The following SHISA8 variants were observed in gnomAD, a reference collection of about 807,000 sequenced individuals.
SHISA8 encodes the protein shisa family member 8.
Under a neutral mutation model 21.1 loss-of-function variants are expected in SHISA8, and 21 were observed. The ratio of observed to expected loss-of-function variants is 0.99; its 90% CI spans 0.71 to 1.43. SHISA8 has a LOEUF of 1.43. Among genes scored for constraint, SHISA8 ranks in the 40% most tolerant of loss-of-function variants. The pLI, the probability that SHISA8 is intolerant of heterozygous loss-of-function variation, is 0.00. For missense variants in SHISA8, 535 were observed against 599.1 expected (o/e 0.89, Z 1.12); for synonymous variants, 300 against 291.4 (o/e 1.03, Z -0.30).
In SHISA8 at chr22:41,914,058, TCGAGAGCGG is replaced by T; in HGVS notation, c.530+71_530+79del. On this transcript the variant is annotated intron_variant, in intron 1 of 3. Transcript: ENST00000621082. This position sits in a 1 kb window ranked among gnomAD's most constrained non-coding sequence, Gnocchi z 6.8. ...GGGGCCTGCTGGGAGAACCAGCGCT[TCGAGAGCGG>T]CGGGAAGGATCAGCGGGCAGGGAGA... is the stretch of plus-strand genomic sequence containing the variant. 3 of 1,281,972 alleles carry T rather than the reference TCGAGAGCGG, an allele frequency of 2.3e-6. No individual in the cohort carries two copies. The highest frequency in any genetic ancestry group is 3.0e-6 in the Non-Finnish European group (3 of 1,011,354). The allele number at this position is 1,281,972 out of a possible 1,614,324, so 79.4% of individuals were successfully genotyped here.
chr22:41,911,891 T>C (rs79681549), intron 1 of SHISA8, among the ~76,000 whole-genome samples: 21,532 of 152,126 alleles, frequency 0.14, 2,090 homozygotes, highest in Admixed American at 0.31. Flanking sequence ...GATTATAAGG[T>C]GCCTGCCACC....
chr22:41,909,699 G>A lies in SHISA8; in HGVS notation c.*66C>T, dbSNP rs1245135854. 8.9e-6 allele frequency: 12 copies of A among 1,343,648 alleles called. No individual in the cohort carries two copies. Among genetic ancestry groups the A allele is most frequent in the Non-Finnish European group, 1.0e-5 (11 of 1,049,612 alleles). The allele number at this position is 1,343,648 out of a possible 1,614,324, so 83.2% of individuals were successfully genotyped here. ...CCTTACGGCAGGCGCTCCTCTCCCT[G>A]TGGCCTGAGGCTCCGACGGGCAGAC... On this transcript the variant is annotated 3_prime_UTR_variant, in exon 4 of 4. Transcript: ENST00000621082.
chr22:41,910,183 C>G lies in SHISA8; in HGVS notation c.812-36G>C, dbSNP rs1360222424. ...AGGGCAGGGAAGAGTGACGCCGCGC[C>G]GAGCACCCAAGCTCAGGACTGGACA... is the stretch of plus-strand genomic sequence containing the variant. On this transcript the variant is annotated intron_variant, in intron 3 of 3. Coordinates refer to ENST00000621082, the MANE Select transcript of SHISA8 (RefSeq NM_001207020.3). This position sits in a 1 kb window ranked among gnomAD's most constrained non-coding sequence, Gnocchi z 6.8. 9 of 1,228,754 alleles carry G rather than the reference C, an allele frequency of 7.3e-6. No homozygotes were observed. The highest frequency in any genetic ancestry group is 4.3e-5 in the Admixed American group (1 of 23,344). 76.1% of individuals were successfully genotyped at this position (1,228,754 alleles called of 1,614,324 possible).
Position 41,909,894 on chromosome 22 carries a change from GT to G in SHISA8, c.1064del (p.His355ProfsTer9), listed in dbSNP as rs2077535705. Reference sequence around the variant, plus strand: ...TCACACTGAACTGGCGCCGGGCCGCGTGCCCGGGTCGCCGGGGTACCTGGAA... The same window carrying G: ...TCACACTGAACTGGCGCCGGGCCGCGGCCCGGGTCGCCGGGGTACCTGGAA... ...RAFQVPRRPGHAARRQFSVKM... is the reference protein window; with the variant it reads ...RAFQVPRRPGXAARRQFSVKM... On this transcript the variant is annotated frameshift_variant, in exon 4 of 4. Coordinates refer to ENST00000621082, the MANE Select transcript of SHISA8 (RefSeq NM_001207020.3). LOFTEE classifies it high-confidence loss of function. 2.0e-6 allele frequency: 3 copies of G among 1,528,426 alleles called. No individual in the cohort carries two copies. The allele number at this position is 1,528,426 out of a possible 1,614,324, so 94.7% of individuals were successfully genotyped here.
In SHISA8 at chr22:41,914,870, C is replaced by A. The variant is rs2077577653; in HGVS notation, c.-203G>T. 6.6e-6 allele frequency among the ~76,000 whole-genome samples: 1 copy of A among 151,212 alleles called. No individual in the cohort carries two copies. The highest frequency in any genetic ancestry group is 1.5e-5 in the Non-Finnish European group (1 of 67,640). ...ACCTCCGGTGGGCGCGTCCTCCGCC[C>A]GGGCTCACCTCGGACCCGAGCTGCC... On this transcript the variant is annotated 5_prime_UTR_variant, in exon 1 of 4. Coordinates refer to ENST00000621082, the MANE Select transcript of SHISA8 (RefSeq NM_001207020.3). This position sits in a 1 kb window ranked among gnomAD's most constrained non-coding sequence, Gnocchi z 6.8.
chr22:41,914,410 G>C lies in SHISA8; in HGVS notation c.258C>G (p.Gly86=). The change falls in exon 1 of 4, where the codon GGC becomes GGG. Residue 86 remains glycine (G), a synonymous_variant. Transcript: ENST00000621082. The surrounding 1 kb of genome is among the most constrained non-coding windows in gnomAD (Gnocchi z 6.8). ...CSSGAYSFCC[G]TCGYRFCCHD... is the part of the protein sequence containing the mutation. ...GGCAGCAGAAGCGGTAGCCGCACGT[G>C]CCGCAGCAGAAGCTGTAGGCTCCGG... The C allele has an allele frequency of 1.5e-6, 2 of 1,346,706 alleles. No homozygotes were observed. Among genetic ancestry groups the C allele is most frequent in the South Asian group, 3.7e-5 (2 of 54,028 alleles). 83.4% of individuals were successfully genotyped at this position (1,346,706 alleles called of 1,614,324 possible).
intron 1 of SHISA8, among the ~76,000 whole-genome samples, chr22:41,911,725 C>T (rs1190438458): frequency 6.6e-6 from 1 of 152,172 alleles, no homozygotes. Context: ...CATCAGCGGC[C>T]TCCTCCAGGA....
intron 1 of SHISA8, among the ~76,000 whole-genome samples, chr22:41,912,910 A>G (rs936631946): frequency 1.3e-5 from 2 of 152,224 alleles, no homozygotes; most frequent in Admixed American, 6.5e-5. Context: ...ACCCCTCACC[A>G]TCGCAGCCCT....
At position 41,914,781 on chromosome 22, in the gene SHISA8, C is replaced by G. The variant is rs1371621984; in HGVS notation, c.-114G>C. The G allele has an allele frequency of 1.2e-6, 1 of 810,996 alleles. No homozygotes were observed. The highest frequency in any genetic ancestry group is 1.5e-6 in the Non-Finnish European group (1 of 670,000). 50.2% of individuals were successfully genotyped at this position (810,996 alleles called of 1,614,324 possible). ...CGCTGGCTCCCGGCGCACGCCGCCT[C>G]GGCCGTCGGCCTCCTCTGGGGACCC... is the stretch of plus-strand genomic sequence containing the variant. On this transcript the variant is annotated 5_prime_UTR_variant, in exon 1 of 4. Coordinates refer to ENST00000621082, the MANE Select transcript of SHISA8 (RefSeq NM_001207020.3). This position sits in a 1 kb window ranked among gnomAD's most constrained non-coding sequence, Gnocchi z 6.8.
At chr22:41,912,234 C>T (rs2077557580) in intron 1 of SHISA8, among the ~76,000 whole-genome samples, 2 of 152,238 alleles carry the variant, frequency 1.3e-5, no homozygotes, top group African/African-American at 2.4e-5. Context: ...CCAGCCCCCA[C>T]CCAGCTGTGA....
At chr22:41,911,048 C>T (rs2077549797) in intron 2 of SHISA8, among the ~76,000 whole-genome samples, 168 bp downstream of exon 2, 1 of 152,198 alleles carries the variant, frequency 6.6e-6, no homozygotes, top group African/African-American at 2.4e-5. Context: ...GTGGGGGGTC[C>T]CTTTCCACCC....
chr22:41,913,571 C>T (rs774352581), intron 1 of SHISA8, among the ~76,000 whole-genome samples: 10 of 152,198 alleles, frequency 6.6e-5, no homozygotes, highest in Non-Finnish European at 1.5e-4. Context: ...CCCCTTTCTA[C>T]GCAGAGGGAG....
Position 41,909,640 on chromosome 22 carries a change from AC to A in SHISA8, c.*124del. The A allele has an allele frequency of 7.9e-7, 1 of 1,269,474 alleles. No homozygotes were observed. The highest frequency in any genetic ancestry group is 1.6e-5 in the African/African-American group (1 of 64,162). The allele number at this position is 1,269,474 out of a possible 1,614,324, so 78.6% of individuals were successfully genotyped here. ...GAACCCGCGGCCTGCAGGCTCCAAG[AC>A]ACCACTGCCGTTGAGGCAGACAGAA... On this transcript the variant is annotated 3_prime_UTR_variant, in exon 4 of 4. Transcript: ENST00000621082.
Position 41,910,536 on chromosome 22 carries a change from T to C in SHISA8, c.683A>G (p.Asn228Ser). 8.2e-7 allele frequency: 1 copy of C among 1,220,504 alleles called. No homozygotes were observed. The highest frequency in any genetic ancestry group is 3.7e-5 in the South Asian group (1 of 27,078). 75.6% of individuals were successfully genotyped at this position (1,220,504 alleles called of 1,614,324 possible). ...CGGGGCGGCCGACCCCCGGGGCGCGTTGTTGAGGCGCTTCTTGTCTGGAGC... is the reference window on the plus strand; with the variant it reads ...CGGGGCGGCCGACCCCCGGGGCGCGCTGTTGAGGCGCTTCTTGTCTGGAGC... ...HNSADKKRLNNAPRGSAAPGP... is the reference protein window; with the variant it reads ...HNSADKKRLNSAPRGSAAPGP... Residue 228 changes from asparagine to serine, a missense_variant, in exon 3 of 4, where the codon AAC (asparagine) becomes AGC (serine). Asn to Ser is a conservative substitution (Grantham distance 46). Transcript: ENST00000621082. This position sits in a 1 kb window ranked among gnomAD's most constrained non-coding sequence, Gnocchi z 6.8.
chr22:41,909,667 G>C lies in SHISA8; in HGVS notation c.*98C>G. ...ACCACTGCCGTTGAGGCAGACAGAA[G>C]AGCTGGCCTTACGGCAGGCGCTCCT... On this transcript the variant is annotated 3_prime_UTR_variant, in exon 4 of 4. Transcript: ENST00000621082. The C allele has an allele frequency of 7.5e-7, 1 of 1,325,448 alleles. No individual in the cohort carries two copies. Among genetic ancestry groups the C allele is most frequent in the Non-Finnish European group, 9.6e-7 (1 of 1,038,758 alleles). The allele number at this position is 1,325,448 out of a possible 1,614,324, so 82.1% of individuals were successfully genotyped here.
In SHISA8 at chr22:41,914,170, C is replaced by T. The variant is rs1381682938; in HGVS notation, c.498G>A (p.Ala166=). The change falls in exon 1 of 4, where the codon GCG becomes GCA. Residue 166 remains alanine, a synonymous_variant. Coordinates refer to ENST00000621082, the MANE Select transcript of SHISA8 (RefSeq NM_001207020.3). This position sits in a 1 kb window ranked among gnomAD's most constrained non-coding sequence, Gnocchi z 6.8. ...GIGARLGLER[A]HSPRARRTVT... Reference sequence around the variant, plus strand: ...CTGTGCGCCGCGCGCGCGGGCTGTGCGCCCTCTCCAGTCCCAGGCGCGCCC... The same window carrying T: ...CTGTGCGCCGCGCGCGCGGGCTGTGTGCCCTCTCCAGTCCCAGGCGCGCCC... 1.4e-6 allele frequency: 2 copies of T among 1,457,778 alleles called. No homozygotes were observed. Among genetic ancestry groups the T allele is most frequent in the Admixed American group, 5.2e-5 (2 of 38,412 alleles). 90.3% of individuals were successfully genotyped at this position (1,457,778 alleles called of 1,614,324 possible).
In SHISA8 at chr22:41,910,302, GGC is replaced by G; in HGVS notation, c.811+104_811+105del. The G allele has an allele frequency of 8.1e-7, 1 of 1,238,224 alleles. No individual in the cohort carries two copies. The highest frequency in any genetic ancestry group is 1.6e-5 in the African/African-American group (1 of 63,906). The allele number at this position is 1,238,224 out of a possible 1,614,324, so 76.7% of individuals were successfully genotyped here. On this transcript the variant is annotated intron_variant, in intron 3 of 3. Transcript: ENST00000621082. This position sits in a 1 kb window ranked among gnomAD's most constrained non-coding sequence, Gnocchi z 6.8. ...GAGGGAGCCGATTGGCCGAGCGGCG[GGC>G]GCGCGGAACTGGGAATTTGGCGCTT...
intron 1 of SHISA8, among the ~76,000 whole-genome samples, chr22:41,913,012 C>A (rs980457692): frequency 3.9e-5 from 6 of 152,244 alleles, no homozygotes; most frequent in African/African-American, 1.4e-4. Flanking sequence ...ATTTGGGCAG[C>A]CCAGCCCCTA....
intron 1 of SHISA8, among the ~76,000 whole-genome samples, chr22:41,913,400 G>A (rs1423095666): frequency 6.6e-6 from 1 of 152,242 alleles, no homozygotes; most frequent in Admixed American, 6.5e-5. Flanking sequence ...GCCACGTGTG[G>A]CATGTGGGTG....
Sources: allele counts gnomAD v4.1 joint callset (sites outside exome capture counted in the v4.1 genomes callset), GRCh38; gene constraint gnomAD v4.1.1; non-coding constraint Gnocchi (gnomAD v3.1); transcripts MANE v1.5; gene names NCBI Gene and HGNC (gene_info 2026-07-23, HGNC 2026-07-21).